KIF1A: variants seen among roughly 807,000 people sequenced by gnomAD.
The protein encoded by KIF1A is kinesin-like protein KIF1A.
A neutral mutation model predicts 227.3 loss-of-function variants in KIF1A; 46 were observed. The ratio of observed to expected loss-of-function variants is 0.20; its 90% CI spans 0.16 to 0.26. The LOEUF is 0.26. Ranked by LOEUF, KIF1A falls within the 10% of genes least tolerant of loss-of-function variation. The probability of loss-of-function intolerance (pLI) is 1.00; values close to 1 mark genes in which losing one functional copy is unlikely to be tolerated. For missense variants in KIF1A, 1,683 were observed against 2,485.9 expected (o/e 0.68, Z 6.87); for synonymous variants, 1,022 against 1,012.8 (o/e 1.01, Z -0.17).
At chr2:240,760,210 C>T (rs1193361239) in intron 25 of KIF1A, among the ~76,000 whole-genome samples, 4 of 152,180 alleles carry the variant, frequency 2.6e-5, no homozygotes, top group Non-Finnish European at 5.9e-5. Flanking sequence ...ATCCACCTCC[C>T]GGCAGCTTCC....
At chr2:240,777,882 G>T (rs770962976) in intron 10 of KIF1A, among the ~76,000 whole-genome samples, 30 of 152,276 alleles carry the variant, frequency 2.0e-4, no homozygotes, top group Non-Finnish European at 2.2e-4. Flanking sequence ...ACTGTCCCTC[G>T]CAGGGTCCCT....
Position 240,789,776 on chromosome 2 carries a change from C to G in KIF1A, c.107-464G>C, listed in dbSNP as rs915794316. ...GGGCGTCCATCACGTTTGTGTTACG[C>G]CTGTGCGGTTCTTCTAGGCTTGCTA... On this transcript the variant is annotated intron_variant, in intron 2 of 48. Transcript: ENST00000498729. This position sits in a 1 kb window ranked among gnomAD's most constrained non-coding sequence, Gnocchi z 4.8. 6.6e-6 allele frequency among the ~76,000 whole-genome samples: 1 copy of G among 152,150 alleles called. No homozygotes were observed. The highest frequency in any genetic ancestry group is 1.5e-5 in the Non-Finnish European group (1 of 68,024).
intron 1 of KIF1A, among the ~76,000 whole-genome samples, chr2:240,802,709 A>G (rs1389915812): frequency 6.6e-6 from 1 of 152,188 alleles, no homozygotes; most frequent in Non-Finnish European, 1.5e-5. Flanking sequence ...TTAGCTCACT[A>G]CAGCCTTTAC....
intron 9 of KIF1A, 61 bp downstream of exon 9, chr2:240,782,983 A>C: frequency 1.5e-6 from 2 of 1,327,682 alleles, no homozygotes. Context: ...TGACAGGGGC[A>C]GGATGGGGCG....
At chr2:240,769,533 G>GC (rs2051657035) in intron 16 of KIF1A, 94 bp downstream of exon 16, 4 of 1,048,336 alleles carry the variant, frequency 3.8e-6, no homozygotes, top group South Asian at 3.0e-5. Flanking sequence ...CAGGTGCCCA[G>GC]CACTGGAGGG....
intron 1 of KIF1A, among the ~76,000 whole-genome samples, chr2:240,811,564 A>C (rs2057867474): frequency 6.6e-6 from 1 of 152,142 alleles, no homozygotes; most frequent in African/African-American, 2.4e-5. Context: ...CCACAGTGCC[A>C]GACACAGCAC....
At position 240,758,580 on chromosome 2, in the gene KIF1A, T is replaced by C. The variant is rs1178055152; in HGVS notation, c.2445-83A>G. The C allele has an allele frequency of 7.2e-7, 1 of 1,386,210 alleles. No homozygotes were observed. The highest frequency in any genetic ancestry group is 1.5e-5 in the African/African-American group (1 of 68,560). The allele number at this position is 1,386,210 out of a possible 1,614,324, so 85.9% of individuals were successfully genotyped here. A position where few individuals can be genotyped will look rare whatever the true frequency, so the allele number is the denominator to read the frequency against. ...GCACACCCTTATCTCCTGGGGACAG[T>C]GGGCTCAGCCTAGCTCTGGCCACCA... On this transcript the variant is annotated intron_variant, in intron 25 of 48. Transcript: ENST00000498729. The surrounding 1 kb of genome is among the most constrained non-coding windows in gnomAD (Gnocchi z 5.2).
In KIF1A at chr2:240,757,663, G is replaced by A. The variant is rs1252984201; in HGVS notation, c.2583-69C>T. On this transcript the variant is annotated intron_variant, in intron 26 of 48. Transcript: ENST00000498729. The surrounding 1 kb of genome is among the most constrained non-coding windows in gnomAD (Gnocchi z 6.2). ...CTCGCAGGGACGAACAGGGGCCGGG[G>A]CCGGGGCTGGGGGGCTTCTGTTTAA... 4 of 1,503,326 alleles carry A rather than the reference G, an allele frequency of 2.7e-6. No homozygotes were observed. Among genetic ancestry groups the A allele is most frequent in the East Asian group, 2.5e-5 (1 of 40,440 alleles). The allele number at this position is 1,503,326 out of a possible 1,614,324, so 93.1% of individuals were successfully genotyped here. A position where few individuals can be genotyped will look rare whatever the true frequency, so the allele number is the denominator to read the frequency against.
intron 1 of KIF1A, among the ~76,000 whole-genome samples, chr2:240,812,508 G>A (rs2057944103): frequency 6.6e-6 from 1 of 151,812 alleles, no homozygotes; most frequent in African/African-American, 2.4e-5. Context: ...TTCACCTTGG[G>A]GATCCACCTT....
intron 14 of KIF1A, among the ~76,000 whole-genome samples, 176 bp downstream of exon 14, chr2:240,772,394 C>A (rs888691292): frequency 6.6e-6 from 1 of 152,184 alleles, no homozygotes; most frequent in Non-Finnish European, 1.5e-5. Flanking sequence ...CAGAATCCCA[C>A]ATCTACGAGC....
Position 240,778,678 on chromosome 2 carries a change from G to A in KIF1A, c.883-2752C>T, listed in dbSNP as rs1454448781. On this transcript the variant is annotated intron_variant, in intron 10 of 48. Transcript: ENST00000498729. This position sits in a 1 kb window ranked among gnomAD's most constrained non-coding sequence, Gnocchi z 7.2. ...CCCGGTTCCCACAGCTCCACGCGGC[G>A]CCCAGCAGGTCCCCGCAGCTTCCCA... Among the ~76,000 whole-genome samples, 1 of 145,046 alleles carries A rather than the reference G, an allele frequency of 6.9e-6. No homozygotes were observed. Among genetic ancestry groups the A allele is most frequent in the Non-Finnish European group, 1.5e-5 (1 of 66,736 alleles).
chr2:240,793,776 G>A lies in KIF1A; in HGVS notation c.106+3871C>T, dbSNP rs567947227. ...ATGCTTCCAATTTCTGCGTCACAGC[G>A]GAGCTACAAGGCACGCTTTAGAGAG... On this transcript the variant is annotated intron_variant, in intron 2 of 48. Coordinates refer to ENST00000498729, the MANE Select transcript of KIF1A (RefSeq NM_001244008.2). The surrounding 1 kb of genome is among the most constrained non-coding windows in gnomAD (Gnocchi z 4.8). 4.6e-5 allele frequency among the ~76,000 whole-genome samples: 7 copies of A among 152,292 alleles called. No homozygotes were observed. The highest frequency in any genetic ancestry group is 1.9e-4 in the East Asian group (1 of 5,174).
intron 21 of KIF1A, 30 bp from the exon 22 acceptor site, chr2:240,763,121 A>T (rs774021796): frequency 6.2e-7 from 1 of 1,600,982 alleles, no homozygotes. Context: ...TGAGCACGGG[A>T]GGGCAGGAGG....
chr2:240,812,955 A>ATC (rs2058036576), intron 1 of KIF1A, among the ~76,000 whole-genome samples: 2 of 59,412 alleles, frequency 3.4e-5, no homozygotes, highest in Non-Finnish European at 3.2e-5. Context: ...CCTTCACCTC[A>ATC]AGGATCCACC....
intron 15 of KIF1A, among the ~76,000 whole-genome samples, chr2:240,770,290 C>A (rs1164737999): frequency 6.6e-6 from 1 of 152,236 alleles, no homozygotes; most frequent in African/African-American, 2.4e-5. Context: ...AAAATGATCC[C>A]GGCCCATTGC....
intron 1 of KIF1A, among the ~76,000 whole-genome samples, chr2:240,812,875 A>ACCTCGGGGATCCGCCTTCAC (rs369796711): frequency 1.7e-4 from 11 of 63,188 alleles, no homozygotes; most frequent in African/African-American, 6.0e-4. Context: ...ATCAGCCTTC[A>ACCTCGGGGATCCGCCTTCAC]CTCGGGGATC....
chr2:240,782,261 C>T, intron 10 of KIF1A: 1 of 932,858 alleles, frequency 1.1e-6, no homozygotes, highest in Non-Finnish European at 1.3e-6. Context: ...CCAGCCCTCT[C>T]CATGTCCGAG....
At chr2:240,741,935 C>T (rs2048021136) in intron 34 of KIF1A, among the ~76,000 whole-genome samples, 1 of 152,220 alleles carries the variant, frequency 6.6e-6, no homozygotes, top group Non-Finnish European at 1.5e-5. Context: ...CTACCACTCC[C>T]TTCTCTGAGA....
chr2:240,789,635 G>A lies in KIF1A; in HGVS notation c.107-323C>T, dbSNP rs577377340. On this transcript the variant is annotated intron_variant, in intron 2 of 48. Transcript: ENST00000498729. This position sits in a 1 kb window ranked among gnomAD's most constrained non-coding sequence, Gnocchi z 4.8. ...AGGATCCTTCCCACCTGCAAGCTGC[G>A]GCCCCTCCATCTCTGGTGTCCACCT... is the stretch of plus-strand genomic sequence containing the variant. 8.5e-5 allele frequency among the ~76,000 whole-genome samples: 13 copies of A among 152,278 alleles called. No individual in the cohort carries two copies. Among genetic ancestry groups the A allele is most frequent in the African/African-American group, 1.2e-4 (5 of 41,558 alleles).
Sources: allele counts gnomAD v4.1 joint callset (sites outside exome capture counted in the v4.1 genomes callset), GRCh38; gene constraint gnomAD v4.1.1; non-coding constraint Gnocchi (gnomAD v3.1); transcripts MANE v1.5; gene names NCBI Gene and HGNC (gene_info 2026-07-23, HGNC 2026-07-21).